Variants in ARNT observed in about 807,000 individuals in gnomAD.
ARNT encodes the protein aryl hydrocarbon receptor nuclear translocator, also known as class E basic helix-loop-helix protein 2.
ARNT carries 30 observed loss-of-function variants against 105.0 expected under a neutral mutation model. The observed-to-expected ratio is 0.29, with a 90% CI of 0.21 to 0.39. The LOEUF is 0.39. ARNT is among the 10% of genes least tolerant of loss of function. The probability of loss-of-function intolerance (pLI) is 1.00; values close to 1 mark genes in which losing one functional copy is unlikely to be tolerated. For synonymous variants in ARNT, 304 were observed against 344.0 expected, an observed-to-expected ratio of 0.88 and a Z score of 1.29; for missense variants, 748 against 978.7, an observed-to-expected ratio of 0.76 and a Z score of 3.15.
intron 4 of ARNT, among the ~76,000 whole-genome samples, chr1:150,843,863 C>A (rs1184587083): frequency 6.6e-6 from 1 of 152,102 alleles, no homozygotes; most frequent in Non-Finnish European, 1.5e-5. Flanking sequence ...GTGAGGGGCA[C>A]TACCTTAACA....
At chr1:150,812,248 C>G in intron 21 of ARNT, 138 bp from the exon 22 acceptor site, 4 of 513,548 alleles carry the variant, frequency 7.8e-6, no homozygotes, top group Non-Finnish European at 1.3e-5. Flanking sequence ...TTCCTTACTT[C>G]CAACAACTTT....
At chr1:150,859,560 T>C (rs902464017) in intron 1 of ARNT, among the ~76,000 whole-genome samples, 24 of 151,832 alleles carry the variant, frequency 1.6e-4, no homozygotes, top group Non-Finnish European at 2.6e-4. Flanking sequence ...TCTCACTGTG[T>C]TCCCCAGGCT....
intron 13 of ARNT, 61 bp downstream of exon 13, chr1:150,826,482 C>A: frequency 1.5e-6 from 2 of 1,341,178 alleles, no homozygotes; most frequent in South Asian, 1.2e-5. Context: ...AATCAGTAGT[C>A]AATATTTATG....
chr1:150,867,503 A>G (rs1479376812), intron 1 of ARNT, among the ~76,000 whole-genome samples: 3 of 152,212 alleles, frequency 2.0e-5, no homozygotes, highest in African/African-American at 7.2e-5. Flanking sequence ...TGGGCAACAT[A>G]GTAAAACCCT....
At chr1:150,858,591 G>T in intron 1 of ARNT, 131 bp from the exon 2 acceptor site, 3 of 683,960 alleles carry the variant, frequency 4.4e-6, no homozygotes, top group South Asian at 2.0e-5. Context: ...AATCCCAAAT[G>T]CTCATATCCA....
At chr1:150,831,961 G>T in intron 9 of ARNT, 58 bp from the exon 10 acceptor site, 1 of 1,090,430 alleles carries the variant, frequency 9.2e-7, no homozygotes. Flanking sequence ...AAAACTCAAA[G>T]GGCAATGCTG....
intron 11 of ARNT, 24 bp downstream of exon 11, chr1:150,829,880 T>C: frequency 2.5e-6 from 4 of 1,612,754 alleles, no homozygotes; most frequent in African/African-American, 2.7e-5. Flanking sequence ...AACGGGAATA[T>C]AGATGTGGAA....
At chr1:150,836,241 A>T in intron 7 of ARNT, 39 bp downstream of exon 7, 1 of 1,591,302 alleles carries the variant, frequency 6.3e-7, no homozygotes, top group Non-Finnish European at 8.6e-7. Flanking sequence ...AAAAACAAGA[A>T]AGGACTTCTC....
intron 1 of ARNT, among the ~76,000 whole-genome samples, chr1:150,869,080 G>C (rs919076885): frequency 1.3e-5 from 2 of 152,076 alleles, no homozygotes; most frequent in African/African-American, 4.8e-5. Flanking sequence ...AGGAAGCTAT[G>C]GTCACGCTAC....
chr1:150,836,573 C>T, intron 6 of ARNT, 80 bp from the exon 7 acceptor site: 1 of 1,388,790 alleles, frequency 7.2e-7, no homozygotes, highest in Non-Finnish European at 9.7e-7. Context: ...AAGTAAGACA[C>T]TTCAGGCCAC....
intron 1 of ARNT, among the ~76,000 whole-genome samples, chr1:150,867,923 C>T (rs917167770): frequency 4.6e-5 from 7 of 152,218 alleles, no homozygotes; most frequent in African/African-American, 1.7e-4. Flanking sequence ...TGAGGCCTCC[C>T]CAGCCCTGCC....
intron 6 of ARNT, among the ~76,000 whole-genome samples, chr1:150,838,962 G>A (rs10305682): frequency 0.06 from 9,128 of 152,098 alleles, 944 homozygotes; most frequent in African/African-American, 0.21. Flanking sequence ...AAATGTTTAC[G>A]CCTTCTTTTT....
intron 21 of ARNT, 64 bp from the exon 22 acceptor site, chr1:150,812,174 A>G (rs1654861462): frequency 3.3e-6 from 4 of 1,219,348 alleles, no homozygotes; most frequent in Non-Finnish European, 4.4e-6. Context: ...ACCAAGTTCT[A>G]CTCCACCATT....
intron 3 of ARNT, among the ~76,000 whole-genome samples, chr1:150,846,855 G>A (rs1262614107): frequency 1.3e-5 from 2 of 152,122 alleles, no homozygotes; most frequent in Non-Finnish European, 2.9e-5. Context: ...CCTCATGTAA[G>A]TGGAATCATA....
In ARNT at chr1:150,813,211, T is replaced by C. The variant is rs201828588; in HGVS notation, c.2241A>G (p.Gln747=). ...GCTGGCCAGGTTGCTGTGCTGGCGG[T>C]TGTTGAACATGTTGCTCACTAGAAC... ...RSSSSEQHVQ[Q]PPAQQPGQPE... Residue 747 remains glutamine, a synonymous_variant, in exon 21 of 22, where the codon CAA becomes CAG. Coordinates refer to ENST00000358595, the MANE Select transcript of ARNT (RefSeq NM_001668.4). 5.5e-5 allele frequency: 88 copies of C among 1,613,442 alleles called. No homozygotes were observed. Among genetic ancestry groups the C allele is most frequent in the Middle Eastern group, 1.6e-4 (1 of 6,084 alleles).
chr1:150,814,188 C>T lies in ARNT; in HGVS notation c.2002G>A (p.Gly668Ser), dbSNP rs763085947. 4 of 1,614,112 alleles carry T rather than the reference C, an allele frequency of 2.5e-6. No individual in the cohort carries two copies. The South Asian group carries it at 4.4e-5, about 18-fold the overall frequency. ...AAGGAGGATGGAGTCTGAAAGCTGC[C>T]CACACCAAACTGGGAAGTACGAGTC... is the stretch of plus-strand genomic sequence containing the variant. ...AKTRTSQFGV[G>S]SFQTPSSFSS... is the part of the protein sequence containing the mutation. Residue 668 changes from glycine (G) to serine (S), a missense_variant, in exon 20 of 22, where the codon GGC becomes AGC. Physicochemically the swap from Gly to Ser is moderately conservative, Grantham distance 56. Transcript: ENST00000358595.
At position 150,810,551 on chromosome 1, in the gene ARNT, C is replaced by T. The variant is rs1654538847; in HGVS notation, c.*1470G>A. ...TTTGGCCTCTTCAAGGCCACCCTTG[C>T]TCCTCAGTCCCCTATGACTACATTT... On this transcript the variant is annotated 3_prime_UTR_variant, in exon 22 of 22. Transcript: ENST00000358595. 4.6e-6 allele frequency: 1 copy of T among 218,938 alleles called. No individual in the cohort carries two copies. The highest frequency in any genetic ancestry group is 9.2e-6 in the Non-Finnish European group (1 of 108,782). 13.6% of individuals were successfully genotyped at this position (218,938 alleles called of 1,614,324 possible). A position where few individuals can be genotyped will look rare whatever the true frequency, so the allele number is the denominator to read the frequency against.
Position 150,829,804 on chromosome 1 carries a change from C to G in ARNT, c.1032+100G>C. The G allele has an allele frequency of 3.1e-6, 4 of 1,286,678 alleles. No homozygotes were observed. The South Asian group carries it at 5.2e-5, about 17-fold the overall frequency. The allele number at this position is 1,286,678 out of a possible 1,614,324, so 79.7% of individuals were successfully genotyped here. A position where few individuals can be genotyped will look rare whatever the true frequency, so the allele number is the denominator to read the frequency against. On this transcript the variant is annotated intron_variant, in intron 11 of 21. Coordinates refer to ENST00000358595, the MANE Select transcript of ARNT (RefSeq NM_001668.4). ...CAAATTTTGAGAGTTTTATGGAATT[C>G]TTCATTTGTATTCAGAAAGTAAAAG...
intron 10 of ARNT, 97 bp from the exon 11 acceptor site, chr1:150,830,077 G>A: frequency 7.2e-7 from 1 of 1,383,608 alleles, no homozygotes; most frequent in Non-Finnish European, 1.0e-6. Flanking sequence ...CCTATTTATG[G>A]GCCAGGCACC....
Sources: allele counts gnomAD v4.1 joint callset (sites outside exome capture counted in the v4.1 genomes callset), GRCh38; gene constraint gnomAD v4.1.1; transcripts MANE v1.5; gene names NCBI Gene and HGNC (gene_info 2026-07-23, HGNC 2026-07-21).